Variants in ITPR1 observed in about 807,000 individuals in gnomAD.
The protein encoded by ITPR1 is inositol 1,4,5-trisphosphate receptor type 1.
ITPR1 carries 96 observed loss-of-function variants against 318.4 expected under a neutral mutation model. The ratio of observed to expected loss-of-function variants is 0.30; its 90% CI spans 0.26 to 0.36. The LOEUF is 0.36. Among genes scored for constraint, ITPR1 ranks in the 10% least tolerant of loss-of-function variants. ITPR1 has a pLI of 1.00. For synonymous variants in ITPR1, 1,312 were observed against 1,289.9 expected (o/e 1.02, Z -0.37); for missense variants, 2,440 against 3,460.2 (o/e 0.71, Z 7.40).
chr3:4,688,694 T>A (rs2094435468), intron 31 of ITPR1, 74 bp downstream of exon 31: 1 of 1,479,894 alleles, frequency 6.8e-7, no homozygotes, highest in Non-Finnish European at 9.3e-7. Context: ...CAGCTTGTTC[T>A]TTGGCTGTTG....
intron 53 of ITPR1, 161 bp from the exon 54 acceptor site, chr3:4,800,264 G>C: frequency 4.9e-6 from 3 of 611,722 alleles, no homozygotes; most frequent in Non-Finnish European, 2.8e-6. Flanking sequence ...AAAAAATGCT[G>C]ATGGGACTGG....
At chr3:4,652,430 A>C (rs931686675) in intron 11 of ITPR1, among the ~76,000 whole-genome samples, 2 of 152,204 alleles carry the variant, frequency 1.3e-5, no homozygotes, top group Non-Finnish European at 2.9e-5. Context: ...GATGCTGATC[A>C]AGATGTGGGG....
At chr3:4,756,099 A>G (rs1209282507) in intron 44 of ITPR1, among the ~76,000 whole-genome samples, 3 of 152,168 alleles carry the variant, frequency 2.0e-5, no homozygotes, top group African/African-American at 7.2e-5. Context: ...TGTACTCACT[A>G]TTAGGCCCTT....
At chr3:4,817,791 C>A (rs926125915) in intron 59 of ITPR1, among the ~76,000 whole-genome samples, 7 of 152,198 alleles carry the variant, frequency 4.6e-5, no homozygotes, top group Non-Finnish European at 1.0e-4. Flanking sequence ...ACTCCTGGAA[C>A]CTAGACGGCG....
At chr3:4,818,059 G>A (rs1479297892) in intron 59 of ITPR1, 23 bp from the exon 60 acceptor site, 1 of 1,583,298 alleles carries the variant, frequency 6.3e-7, no homozygotes, top group Admixed American at 1.7e-5. Flanking sequence ...GCTGGGGCTG[G>A]GGGCTTTTTG....
intron 44 of ITPR1, among the ~76,000 whole-genome samples, chr3:4,752,341 T>C (rs191822329): frequency 1.3e-5 from 2 of 152,316 alleles, no homozygotes; most frequent in African/African-American, 2.4e-5. Context: ...CCTCCCGGGC[T>C]GTAGTTAATC....
chr3:4,667,389 A>C lies in ITPR1; in HGVS notation c.1726A>C (p.Lys576Gln). The change falls in exon 18 of 62, where the codon AAG (lysine) becomes CAG (glutamine). Residue 576 changes from lysine to glutamine, a missense_variant. Around this residue, in one of 23 missense-constraint regions of ITPR1, gnomAD observed 478 missense variants for 696.3 expected, o/e 0.69. Coordinates refer to ENST00000649015, the MANE Select transcript of ITPR1 (RefSeq NM_001378452.1). ...DYRKNQEYIA[K>Q]QFGFMQKQIG... ...TCTCCTTATAAAGGAGTATATAGCC[A>C]AGCAGTTTGGCTTCATGCAGAAGCA... The C allele has an allele frequency of 6.2e-7, 1 of 1,608,944 alleles. No individual in the cohort carries two copies.
At chr3:4,697,336 G>GTGTGTGTGTGTGTGTGTGTT in intron 34 of ITPR1, 64 bp downstream of exon 34, 8 of 1,409,382 alleles carry the variant, frequency 5.7e-6, no homozygotes. Context: ...GTGTGTGTGT[G>GTGTGTGTGTGTGTGTGTGTT]TGTGTGTGTG....
At position 4,800,522 on chromosome 3, in the gene ITPR1, C is replaced by T. The variant is rs1275910347; in HGVS notation, c.7029C>T (p.Ala2343=). ...TCCCCAAGCCCCATGGCATCCGGGCCTTAATTGCCTCCACAATTCTACGAC... is the reference window on the plus strand; with the variant it reads ...TCCCCAAGCCCCATGGCATCCGGGCTTTAATTGCCTCCACAATTCTACGAC... ...IALPKPHGIR[A]LIASTILRLI... Residue 2343 remains alanine, a synonymous_variant, in exon 54 of 62, where the codon GCC becomes GCT. Coordinates refer to ENST00000649015, the MANE Select transcript of ITPR1 (RefSeq NM_001378452.1). 2 of 1,613,906 alleles carry T rather than the reference C, an allele frequency of 1.2e-6. No individual in the cohort carries two copies. The highest frequency in any genetic ancestry group is 2.7e-5 in the African/African-American group (2 of 74,942).
intron 4 of ITPR1, among the ~76,000 whole-genome samples, chr3:4,605,641 T>C (rs904789657): frequency 3.3e-5 from 5 of 152,174 alleles, no homozygotes; most frequent in Non-Finnish European, 5.9e-5. Context: ...ATCAAGCAGC[T>C]GTGTAAAAGG....
chr3:4,680,493 C>G (rs1224265467), intron 24 of ITPR1, 60 bp from the exon 25 acceptor site: 4 of 1,516,996 alleles, frequency 2.6e-6, no homozygotes, highest in Non-Finnish European at 3.6e-6. Flanking sequence ...GGTGGCTTGG[C>G]AGAGTCAAGA....
intron 61 of ITPR1, among the ~76,000 whole-genome samples, chr3:4,839,845 T>C (rs1177027269): frequency 6.6e-6 from 1 of 152,198 alleles, no homozygotes; most frequent in Non-Finnish European, 1.5e-5. Flanking sequence ...AAGTTGGCAG[T>C]TGGAACCACT....
intron 4 of ITPR1, among the ~76,000 whole-genome samples, chr3:4,622,756 G>T (rs1239982221): frequency 6.6e-6 from 1 of 152,216 alleles, no homozygotes; most frequent in African/African-American, 2.4e-5. Flanking sequence ...AATGAACACT[G>T]GGAAGCTTAG....
chr3:4,821,486 C>T (rs2049713380), intron 60 of ITPR1, among the ~76,000 whole-genome samples: 1 of 152,228 alleles, frequency 6.6e-6, no homozygotes, highest in South Asian at 2.1e-4. Context: ...TCATCTCACC[C>T]CACACTGGGT....
chr3:4,748,246 T>C (rs2044248827), intron 44 of ITPR1, among the ~76,000 whole-genome samples: 1 of 152,188 alleles, frequency 6.6e-6, no homozygotes. Flanking sequence ...TTAAGTTACA[T>C]GAGTACAATG....
At chr3:4,727,249 A>T in intron 42 of ITPR1, 76 bp downstream of exon 42, 1 of 1,018,284 alleles carries the variant, frequency 9.8e-7, no homozygotes, top group Non-Finnish European at 1.4e-6. Context: ...ACACACTGTG[A>T]TTGAGAGACA....
chr3:4,643,150 C>T (rs1199009831), intron 7 of ITPR1, among the ~76,000 whole-genome samples: 1 of 152,138 alleles, frequency 6.6e-6, no homozygotes, highest in East Asian at 1.9e-4. Flanking sequence ...ATAATTGATC[C>T]TTAACAGTGA....
At chr3:4,593,029 G>A (rs2090512980) in intron 4 of ITPR1, among the ~76,000 whole-genome samples, 1 of 152,230 alleles carries the variant, frequency 6.6e-6, no homozygotes, top group South Asian at 2.1e-4. Flanking sequence ...GATAACTGAG[G>A]ACCAGCTGTG....
chr3:4,626,182 T>TCC (rs1559563455), intron 4 of ITPR1, among the ~76,000 whole-genome samples: 1 of 144,506 alleles, frequency 6.9e-6, no homozygotes, highest in Non-Finnish European at 1.5e-5. Context: ...ACCCTAAACT[T>TCC]TCTGTGTGTG....
Sources: gnomAD v4.1 joint callset for allele counts (sites outside exome capture counted in the v4.1 genomes callset) on GRCh38, gnomAD v4.1.1 for gene constraint, gnomAD v4.1.1 regional missense constraint, MANE v1.5 for transcripts, NCBI Gene and HGNC (gene_info 2026-07-23, HGNC 2026-07-21) for gene names.